Variants in PTPRG observed in about 807,000 individuals in gnomAD.
PTPRG encodes the protein protein tyrosine phosphatase receptor type G.
Under a neutral mutation model 165.3 loss-of-function variants are expected in PTPRG, and 102 were observed. The ratio of observed to expected loss-of-function variants is 0.62; its 90% CI spans 0.53 to 0.73. The LOEUF is 0.73. Among genes scored for constraint, PTPRG ranks in the 30% least tolerant of loss-of-function variants. The pLI, the probability that PTPRG is intolerant of heterozygous loss-of-function variation, is 0.00. For missense variants in PTPRG, 1,866 were observed against 1,861.4 expected, an observed-to-expected ratio of 1.00 and a Z score of -0.05; for synonymous variants, 675 against 669.5, an observed-to-expected ratio of 1.01 and a Z score of -0.13.
rs1202295298 is a variant in PTPRG, at chr3:61,602,093, G to A, written c.85+39721G>A. Among the ~76,000 whole-genome samples the A allele has an allele frequency of 2.0e-5, 3 of 152,136 alleles. No homozygotes were observed. In the East Asian group the frequency reaches 5.8e-4, roughly 29 times the overall value. On this transcript the variant is annotated intron_variant, in intron 1 of 29. Transcript: ENST00000474889. ...GATGCAGCTGGCTAATTGGACAAATGTATCTATGTGACTGTGTTAATGGAA... is the reference window on the plus strand; with the variant it reads ...GATGCAGCTGGCTAATTGGACAAATATATCTATGTGACTGTGTTAATGGAA...
intron 2 of PTPRG, among the ~76,000 whole-genome samples, chr3:61,819,166 T>C (rs1219977850): frequency 6.6e-6 from 1 of 152,096 alleles, no homozygotes; most frequent in Non-Finnish European, 1.5e-5. Context: ...TATGCAAGGA[T>C]AGAAAATGTG....
chr3:61,977,368 C>G (rs1442149266), intron 2 of PTPRG, among the ~76,000 whole-genome samples: 1 of 152,068 alleles, frequency 6.6e-6, no homozygotes, highest in Non-Finnish European at 1.5e-5. Flanking sequence ...AATTGTGTGT[C>G]TAATTTTTTA....
chr3:62,172,378 G>T (rs563743100), intron 8 of PTPRG, among the ~76,000 whole-genome samples: 3 of 152,208 alleles, frequency 2.0e-5, no homozygotes, highest in African/African-American at 7.2e-5. Flanking sequence ...AGTGTATGAG[G>T]GTTTCAATTT....
intron 1 of PTPRG, among the ~76,000 whole-genome samples, chr3:61,606,450 C>T (rs1701010348): frequency 6.6e-6 from 1 of 152,196 alleles, no homozygotes; most frequent in South Asian, 2.1e-4. Context: ...TTAAAGTCAG[C>T]TGATCAGGGC....
At chr3:62,034,802 G>C (rs547423438) in intron 4 of PTPRG, among the ~76,000 whole-genome samples, 1 of 152,204 alleles carries the variant, frequency 6.6e-6, no homozygotes, top group East Asian at 1.9e-4. Context: ...TGAGTTTTCT[G>C]TATCTTTCTC....
chr3:62,202,621 T>C (rs1447476907), intron 11 of PTPRG, among the ~76,000 whole-genome samples: 1 of 152,230 alleles, frequency 6.6e-6, no homozygotes, highest in Admixed American at 6.5e-5. Context: ...AGAGCATGGC[T>C]CCTGCCTCTG....
intron 2 of PTPRG, among the ~76,000 whole-genome samples, chr3:61,936,347 A>G (rs971665035): frequency 4.6e-5 from 7 of 152,188 alleles, no homozygotes; most frequent in African/African-American, 1.7e-4. Flanking sequence ...CTTTTCAGAG[A>G]TGAGATTCAG....
intron 6 of PTPRG, among the ~76,000 whole-genome samples, chr3:62,141,772 G>T (rs1172112968): frequency 6.6e-6 from 1 of 151,720 alleles, no homozygotes; most frequent in Non-Finnish European, 1.5e-5. Flanking sequence ...AGCTGGGTCT[G>T]GTGGTGCGTG....
Position 61,562,140 on chromosome 3 carries a change from A to C in PTPRG, c.-148A>C. The C allele has an allele frequency of 2.0e-4, 106 of 540,614 alleles. No homozygotes were observed. Among genetic ancestry groups the C allele is most frequent in the East Asian group, 2.8e-4 (8 of 28,688 alleles). The allele number at this position is 540,614 out of a possible 1,614,324, so 33.5% of individuals were successfully genotyped here. A position where few individuals can be genotyped will look rare whatever the true frequency, so the allele number is the denominator to read the frequency against. On this transcript the variant is annotated 5_prime_UTR_variant, in exon 1 of 30. Transcript: ENST00000474889. The stretch of plus-strand genomic sequence containing the variant: ...GGCGCTCGGCGGCTTCCCGGATTCC[A>C]AGGGGACTCGGGCCGCCGAGCGCGG...
At chr3:61,953,279 T>G (rs1457970358) in intron 2 of PTPRG, among the ~76,000 whole-genome samples, 1 of 152,174 alleles carries the variant, frequency 6.6e-6, no homozygotes, top group Non-Finnish European at 1.5e-5. Context: ...CCACCCTTGC[T>G]CTGCTACTGA....
At chr3:62,045,076 A>C (rs911120152) in intron 4 of PTPRG, among the ~76,000 whole-genome samples, 2 of 152,200 alleles carry the variant, frequency 1.3e-5, no homozygotes, top group African/African-American at 4.8e-5. Context: ...CAGCCATTTC[A>C]TGAAACTCAT....
intron 6 of PTPRG, among the ~76,000 whole-genome samples, chr3:62,133,586 G>T (rs1178557567): frequency 6.6e-6 from 1 of 152,154 alleles, no homozygotes; most frequent in Non-Finnish European, 1.5e-5. Flanking sequence ...TGGATTAATT[G>T]TTCCGTTCTC....
intron 1 of PTPRG, among the ~76,000 whole-genome samples, chr3:61,681,372 T>G (rs2107118974): frequency 6.6e-6 from 1 of 152,352 alleles, no homozygotes; most frequent in Non-Finnish European, 1.5e-5. Context: ...ACAATCAGCC[T>G]TGACCCTGCA....
chr3:61,653,659 C>T (rs1189143822), intron 1 of PTPRG, among the ~76,000 whole-genome samples: 1 of 152,094 alleles, frequency 6.6e-6, no homozygotes, highest in African/African-American at 2.4e-5. Context: ...TGTTAGGATT[C>T]GTCGTGCCCT....
At chr3:62,183,511 C>T (rs1045137659) in intron 8 of PTPRG, among the ~76,000 whole-genome samples, 1 of 150,930 alleles carries the variant, frequency 6.6e-6, no homozygotes, top group Non-Finnish European at 1.5e-5. Context: ...TTGCAGTGAG[C>T]CAAGATTACA....
intron 1 of PTPRG, among the ~76,000 whole-genome samples, chr3:61,657,180 AG>A (rs1702530415): frequency 6.6e-6 from 1 of 152,040 alleles, no homozygotes; most frequent in Non-Finnish European, 1.5e-5. Flanking sequence ...GTGGGGGTGG[AG>A]GGGAGCCAGC....
At chr3:62,021,949 T>C (rs1202946745) in intron 4 of PTPRG, among the ~76,000 whole-genome samples, 8 of 150,946 alleles carry the variant, frequency 5.3e-5, no homozygotes, top group African/African-American at 1.9e-4. Flanking sequence ...AAAAAGAAAG[T>C]GTCTGGAGAG....
intron 2 of PTPRG, chr3:61,749,523 G>T (rs2033347657): frequency 1.0e-5 from 2 of 200,116 alleles, no homozygotes; most frequent in South Asian, 1.5e-4. Flanking sequence ...TTGAGCTAAT[G>T]AAGGGAGAGA....
rs571548449 is a variant in PTPRG, at chr3:61,722,841, T to C, written c.86-26037T>C. ...TGCCTAATACATAGTTATTCAATCA[T>C]GGAAATGTATTTTCTGTTCTTAAGA... On this transcript the variant is annotated intron_variant, in intron 1 of 29. Transcript: ENST00000474889. 3.3e-4 allele frequency among the ~76,000 whole-genome samples: 51 copies of C among 152,334 alleles called. No homozygotes were observed. In the South Asian group the frequency reaches 0.011, roughly 32 times the overall value.
Sources: allele counts gnomAD v4.1 joint callset (sites outside exome capture counted in the v4.1 genomes callset), GRCh38; gene constraint gnomAD v4.1.1; transcripts MANE v1.5; gene names NCBI Gene and HGNC (gene_info 2026-07-23, HGNC 2026-07-21).